PPP3CA: variants seen among roughly 807,000 people sequenced by gnomAD.
PPP3CA encodes CAM-PRP catalytic subunit.
PPP3CA carries 14 observed loss-of-function variants against 66.5 expected under a neutral mutation model. The observed-to-expected ratio is 0.21, with a 90% CI of 0.14 to 0.33. PPP3CA has a LOEUF of 0.33. PPP3CA is among the 10% of genes least tolerant of loss of function. PPP3CA has a pLI of 1.00. For missense variants in PPP3CA, 317 were observed against 639.5 expected (o/e 0.50, Z 5.44); for synonymous variants, 232 against 226.2 (o/e 1.03, Z -0.23).
intron 2 of PPP3CA, chr4:101,171,278 G>A: frequency 2.2e-6 from 1 of 454,270 alleles, no homozygotes; most frequent in Non-Finnish European, 4.4e-6. Context: ...TCCCACAATA[G>A]GAGCTAAACA....
rs143122631 is a variant in PPP3CA at position 101,148,511 on chromosome 4, C to G, written c.260-39433G>C. 9.8e-4 allele frequency among the ~76,000 whole-genome samples: 149 copies of G among 152,226 alleles called. 1 individual carries two copies. In the East Asian group the frequency reaches 0.026, roughly 27 times the overall value. ...TACCATAATTTATTTTTTATACTTA[C>G]AAATAGTGAATTTCTTAGAGATATT... is the stretch of plus-strand genomic sequence containing the variant. On this transcript the variant is annotated intron_variant, in intron 2 of 13. Transcript: ENST00000394854.
intron 1 of PPP3CA, among the ~76,000 whole-genome samples, chr4:101,320,101 G>A (rs1028645082): frequency 2.0e-5 from 3 of 151,874 alleles, no homozygotes; most frequent in Admixed American, 2.0e-4. Flanking sequence ...ACAGTATCAG[G>A]TAATATTATT....
intron 11 of PPP3CA, among the ~76,000 whole-genome samples, chr4:101,037,778 G>T (rs903473249): frequency 1.3e-5 from 2 of 152,030 alleles, no homozygotes; most frequent in African/African-American, 2.4e-5. Context: ...GTTTTAACAT[G>T]CTATTCAAAA....
chr4:101,073,627 T>G (rs1729020690), intron 8 of PPP3CA, among the ~76,000 whole-genome samples: 1 of 152,150 alleles, frequency 6.6e-6, no homozygotes, highest in Admixed American at 6.5e-5. Flanking sequence ...CTTTATTCCT[T>G]CATATAAATT....
chr4:101,271,879 T>A (rs1727346664), intron 1 of PPP3CA, among the ~76,000 whole-genome samples: 1 of 152,208 alleles, frequency 6.6e-6, no homozygotes, highest in African/African-American at 2.4e-5. Flanking sequence ...GTGCTGTTGG[T>A]GAATAAATGT....
intron 11 of PPP3CA, among the ~76,000 whole-genome samples, chr4:101,036,069 T>C (rs1222221920): frequency 6.6e-6 from 1 of 152,208 alleles, no homozygotes; most frequent in African/African-American, 2.4e-5. Context: ...AAAATACACA[T>C]GGGATTTCAA....
At chr4:101,105,066 A>G (rs1730599279) in intron 3 of PPP3CA, among the ~76,000 whole-genome samples, 1 of 152,186 alleles carries the variant, frequency 6.6e-6, no homozygotes, top group South Asian at 2.1e-4. Context: ...AAACATAGCA[A>G]ATTTCATAGT....
intron 1 of PPP3CA, among the ~76,000 whole-genome samples, chr4:101,224,005 T>C (rs1409103524): frequency 1.3e-5 from 2 of 151,792 alleles, no homozygotes; most frequent in Middle Eastern, 3.2e-3. Context: ...TTGGGGCTAA[T>C]TAGCACTAAT....
intron 2 of PPP3CA, among the ~76,000 whole-genome samples, chr4:101,171,817 T>C (rs1412225943): frequency 6.6e-6 from 1 of 152,190 alleles, no homozygotes; most frequent in East Asian, 1.9e-4. Flanking sequence ...ATATATGCAA[T>C]TGTGTAATCT....
intron 1 of PPP3CA, among the ~76,000 whole-genome samples, chr4:101,285,480 C>G (rs145563048): frequency 4.6e-5 from 7 of 152,104 alleles, no homozygotes; most frequent in African/African-American, 1.7e-4. Context: ...AAAGAGTTCC[C>G]CCTTCTTATA....
intron 2 of PPP3CA, among the ~76,000 whole-genome samples, chr4:101,184,229 C>G (rs1167943773): frequency 3.3e-5 from 5 of 152,164 alleles, no homozygotes; most frequent in African/African-American, 1.2e-4. Flanking sequence ...AAGAATCTAA[C>G]AAGGTGATGC....
chr4:101,228,010 A>T (rs1197299515), intron 1 of PPP3CA, among the ~76,000 whole-genome samples: 1 of 151,544 alleles, frequency 6.6e-6, no homozygotes, highest in Non-Finnish European at 1.5e-5. Flanking sequence ...TTTGCTATGA[A>T]CAGGCCTTTT....
At chr4:101,215,725 A>T (rs530435166) in intron 1 of PPP3CA, among the ~76,000 whole-genome samples, 2 of 152,262 alleles carry the variant, frequency 1.3e-5, no homozygotes, top group South Asian at 4.1e-4. Flanking sequence ...GTAAGCATTT[A>T]AAAAATTTCT....
At chr4:101,231,355 CTATT>C (rs1222332536) in intron 1 of PPP3CA, among the ~76,000 whole-genome samples, 2 of 151,676 alleles carry the variant, frequency 1.3e-5, no homozygotes, top group Non-Finnish European at 2.9e-5. Flanking sequence ...GTAAGTCAGA[CTATT>C]TATCAATGAG....
intron 2 of PPP3CA, among the ~76,000 whole-genome samples, chr4:101,188,851 C>T (rs1053144725): frequency 1.8e-4 from 28 of 152,114 alleles, no homozygotes; most frequent in Non-Finnish European, 4.1e-4. Context: ...AAGGCCTTCT[C>T]TCAGGTAATA....
At chr4:101,114,819 G>C (rs747425955) in intron 2 of PPP3CA, among the ~76,000 whole-genome samples, 1 of 151,978 alleles carries the variant, frequency 6.6e-6, no homozygotes, top group Admixed American at 6.6e-5. Flanking sequence ...TTTGAAATAG[G>C]AACAGAAAAA....
At chr4:101,311,419 T>C (rs1169391791) in intron 1 of PPP3CA, among the ~76,000 whole-genome samples, 1 of 152,200 alleles carries the variant, frequency 6.6e-6, no homozygotes. Flanking sequence ...CTGTAGCTAT[T>C]TGTTAGGTGT....
At chr4:101,026,089 A>C (rs756236394) in intron 13 of PPP3CA, 28 bp from the exon 14 acceptor site, 2 of 1,551,718 alleles carry the variant, frequency 1.3e-6, no homozygotes, top group South Asian at 2.4e-5. Context: ...AAAAAAAGAA[A>C]ACCAGGATTA....
At chr4:101,029,078 T>G in intron 13 of PPP3CA, 88 bp downstream of exon 13, 1 of 1,300,248 alleles carries the variant, frequency 7.7e-7, no homozygotes, top group Admixed American at 1.8e-5. Context: ...ACCCACACAC[T>G]CTGTACAAGC....
Sources: allele counts gnomAD v4.1 joint callset (sites outside exome capture counted in the v4.1 genomes callset), GRCh38; gene constraint gnomAD v4.1.1; transcripts MANE v1.5; gene names NCBI Gene and HGNC (gene_info 2026-07-23, HGNC 2026-07-21).